FHIT: variants seen among roughly 807,000 people sequenced by gnomAD.
The protein encoded by FHIT is fragile histidine triad diadenosine triphosphatase, also known as bis(5'-adenosyl)-triphosphatase.
A neutral mutation model predicts 17.9 loss-of-function variants in FHIT; 19 were observed. The ratio of observed to expected loss-of-function variants is 1.06; its 90% CI spans 0.74 to 1.56. The LOEUF (loss-of-function observed/expected upper bound fraction) is 1.56. FHIT is among the 40% of genes most tolerant of loss of function. The probability of loss-of-function intolerance (pLI) is 0.00; values close to 1 mark genes in which losing one functional copy is unlikely to be tolerated. For synonymous variants in FHIT, 81 were observed against 69.7 expected, an observed-to-expected ratio of 1.16 and a Z score of -0.81; for missense variants, 248 against 189.2, an observed-to-expected ratio of 1.31 and a Z score of -1.82.
intron 5 of FHIT, among the ~76,000 whole-genome samples, chr3:60,415,956 TTATA>T (rs1207357065): frequency 6.7e-6 from 1 of 149,074 alleles, no homozygotes; most frequent in Non-Finnish European, 1.5e-5. Context: ...GTAAAATATA[TTATA>T]TATAATAGCT....
chr3:61,211,259 GGGGTGACAGAC>G (rs2039460794), intron 1 of FHIT, among the ~76,000 whole-genome samples: 1 of 151,944 alleles, frequency 6.6e-6, no homozygotes, highest in Admixed American at 6.6e-5. Flanking sequence ...GTCAAAGAAA[GGGGTGACAGAC>G]GGCACCTGGA....
intron 3 of FHIT, among the ~76,000 whole-genome samples, chr3:60,996,621 G>A (rs560833558): frequency 6.6e-6 from 1 of 152,284 alleles, no homozygotes; most frequent in Admixed American, 6.5e-5. Context: ...TTAGAATTAC[G>A]TGTTTGAATC....
chr3:61,068,658 G>C (rs542563197), intron 2 of FHIT, among the ~76,000 whole-genome samples: 1 of 150,344 alleles, frequency 6.7e-6, no homozygotes, highest in East Asian at 2.0e-4. Context: ...AGATATCTTT[G>C]GGGGGAGGGC....
chr3:60,566,112 T>A (rs1292111139), intron 4 of FHIT, among the ~76,000 whole-genome samples: 1 of 152,184 alleles, frequency 6.6e-6, no homozygotes, highest in Non-Finnish European at 1.5e-5. Context: ...TTGATTGCCC[T>A]GTGGTCTGAG....
intron 3 of FHIT, among the ~76,000 whole-genome samples, chr3:60,988,942 T>C (rs1187116957): frequency 9.2e-6 from 1 of 108,568 alleles, no homozygotes; most frequent in Non-Finnish European, 1.8e-5. Flanking sequence ...GGCCATGGCT[T>C]TGTTAAAAAA....
chr3:60,250,916 G>A (rs1408011861), intron 5 of FHIT, among the ~76,000 whole-genome samples: 1 of 152,118 alleles, frequency 6.6e-6, no homozygotes, highest in East Asian at 1.9e-4. Context: ...ACCAAACACA[G>A]ATAATCCCAA....
Position 60,513,724 on chromosome 3 carries a change from A to T in FHIT, c.103+23136T>A, listed in dbSNP as rs147191184. Among the ~76,000 whole-genome samples, 1,163 of 151,690 alleles carry T rather than the reference A, an allele frequency of 7.7e-3. 5 individuals carry two copies. The highest frequency in any genetic ancestry group is 0.012 in the Non-Finnish European group (817 of 67,960). ...TGATATGGACAGGAAGCAGGAGGGAAGGGTCCCTGGTGAGGGTTCTACTCT... is the reference window on the plus strand; with the variant it reads ...TGATATGGACAGGAAGCAGGAGGGATGGGTCCCTGGTGAGGGTTCTACTCT... On this transcript the variant is annotated intron_variant, in intron 5 of 9. Coordinates refer to ENST00000492590, the MANE Select transcript of FHIT (RefSeq NM_002012.4).
At chr3:60,474,461 T>C (rs1450241544) in intron 5 of FHIT, among the ~76,000 whole-genome samples, 1 of 152,204 alleles carries the variant, frequency 6.6e-6, no homozygotes, top group Non-Finnish European at 1.5e-5. Context: ...GCTAAATTGA[T>C]GAGTAGTTTT....
intron 5 of FHIT, among the ~76,000 whole-genome samples, chr3:60,159,989 G>A (rs868038687): frequency 2.5e-4 from 38 of 152,076 alleles, no homozygotes; most frequent in African/African-American, 8.5e-4. Flanking sequence ...TAAAAATTAC[G>A]GACATAGGAT....
intron 5 of FHIT, among the ~76,000 whole-genome samples, chr3:60,213,531 G>C (rs769876002): frequency 6.6e-6 from 1 of 152,140 alleles, no homozygotes; most frequent in African/African-American, 2.4e-5. Context: ...AACCATACAG[G>C]ATGGGGAAGG....
chr3:59,780,877 C>A (rs1032338214), intron 8 of FHIT, among the ~76,000 whole-genome samples: 1 of 152,126 alleles, frequency 6.6e-6, no homozygotes, highest in African/African-American at 2.4e-5. Flanking sequence ...ACACAGATAC[C>A]TCAAGATGGC....
At chr3:60,903,551 A>G (rs1706231831) in intron 3 of FHIT, among the ~76,000 whole-genome samples, 1 of 152,182 alleles carries the variant, frequency 6.6e-6, no homozygotes, top group South Asian at 2.1e-4. Context: ...AGTTATAAAA[A>G]CCATCACAAC....
At chr3:59,956,201 A>T (rs1012136977) in intron 7 of FHIT, among the ~76,000 whole-genome samples, 1 of 152,124 alleles carries the variant, frequency 6.6e-6, no homozygotes, top group Non-Finnish European at 1.5e-5. Flanking sequence ...CTAGTGGTTA[A>T]AAGCCCCAGC....
At chr3:60,930,204 C>CA in intron 3 of FHIT, among the ~76,000 whole-genome samples, 1 of 152,146 alleles carries the variant, frequency 6.6e-6, no homozygotes, top group East Asian at 1.9e-4. Context: ...ATACCTTATA[C>CA]AAAAATTAAT....
intron 5 of FHIT, among the ~76,000 whole-genome samples, chr3:60,173,757 T>C (rs1420590564): frequency 6.6e-6 from 1 of 151,392 alleles, no homozygotes; most frequent in African/African-American, 2.4e-5. Flanking sequence ...GAGCCCTTTC[T>C]CTGGGTTTTC....
At chr3:60,246,048 T>TA (rs1379305182) in intron 5 of FHIT, among the ~76,000 whole-genome samples, 5 of 152,128 alleles carry the variant, frequency 3.3e-5, no homozygotes, top group Admixed American at 2.6e-4. Context: ...ATTTTCTGCT[T>TA]AAAAAATGCT....
chr3:60,698,525 C>T (rs782155611), intron 4 of FHIT, among the ~76,000 whole-genome samples: 1 of 152,098 alleles, frequency 6.6e-6, no homozygotes, highest in East Asian at 1.9e-4. Context: ...AGTGAAGAAC[C>T]TTTTGTTAAA....
At chr3:60,462,425 G>C (rs185511763) in intron 5 of FHIT, among the ~76,000 whole-genome samples, 1 of 152,256 alleles carries the variant, frequency 6.6e-6, no homozygotes, top group Non-Finnish European at 1.5e-5. Flanking sequence ...CCCAAACACT[G>C]TAAGAACCCA....
chr3:59,755,928 C>A, intron 8 of FHIT, among the ~76,000 whole-genome samples: 1 of 152,162 alleles, frequency 6.6e-6, no homozygotes, highest in Admixed American at 6.5e-5. Flanking sequence ...TGAGCTTGAA[C>A]AATGAGAAGA....
Sources: gnomAD v4.1 joint callset for allele counts (sites outside exome capture counted in the v4.1 genomes callset) on GRCh38, gnomAD v4.1.1 for gene constraint, MANE v1.5 for transcripts, NCBI Gene and HGNC (gene_info 2026-07-23, HGNC 2026-07-21) for gene names.